TFAP2E: variants seen among roughly 807,000 people sequenced by gnomAD.
The protein encoded by TFAP2E is transcription factor AP-2 epsilon.
Under a neutral mutation model 37.9 loss-of-function variants are expected in TFAP2E, and 30 were observed. The observed-to-expected ratio is 0.79, with a 90% CI of 0.59 to 1.07. The LOEUF (loss-of-function observed/expected upper bound fraction) is 1.07. Ranked by LOEUF, TFAP2E falls within the 50% of genes least tolerant of loss-of-function variation. The pLI, the probability that TFAP2E is intolerant of heterozygous loss-of-function variation, is 0.00. For missense variants in TFAP2E, 567 were observed against 637.9 expected (o/e 0.89, Z 1.20); for synonymous variants, 318 against 295.8 (o/e 1.08, Z -0.77).
In TFAP2E at chr1:35,590,018, A is replaced by T; in HGVS notation, c.874A>T (p.Asn292Tyr). 2 of 1,614,066 alleles carry T rather than the reference A, an allele frequency of 1.2e-6. No individual in the cohort carries two copies. Among genetic ancestry groups the T allele is most frequent in the Non-Finnish European group, 1.7e-6 (2 of 1,179,962 alleles). ...NLPAGRRKAA[N>Y]VTLLTSLVEG... Reference sequence around the variant, plus strand: ...GCCAGCTGGCCGTCGCAAGGCCGCCAATGTGACGCTGCTGACTTCGCTAGT... The same window carrying T: ...GCCAGCTGGCCGTCGCAAGGCCGCCTATGTGACGCTGCTGACTTCGCTAGT... The change falls in exon 5 of 7, where the codon AAT becomes TAT. Residue 292 changes from asparagine (N) to tyrosine (Y), a missense_variant. By Grantham distance (143) the Asn-to-Tyr change is moderately radical. Around this residue, in one of 3 missense-constraint regions of TFAP2E, gnomAD observed 252 missense variants for 302.6 expected, o/e 0.83. Transcript: ENST00000373235. The surrounding 1 kb of genome is among the most constrained non-coding windows in gnomAD (Gnocchi z 6.2).
In TFAP2E at chr1:35,583,539, A is replaced by G. The variant is rs12029249; in HGVS notation, c.563-4791A>G. ...TAGGTTCAGAAGTCAGACCATATCTACCACCTGCGGACAGAGTGCCTTGTC... is the reference window on the plus strand; with the variant it reads ...TAGGTTCAGAAGTCAGACCATATCTGCCACCTGCGGACAGAGTGCCTTGTC... On this transcript the variant is annotated intron_variant, in intron 3 of 6. Coordinates refer to ENST00000373235, the MANE Select transcript of TFAP2E (RefSeq NM_178548.4). 2.3e-3 allele frequency among the ~76,000 whole-genome samples: 350 copies of G among 151,986 alleles called. 3 individuals are homozygous for G. Among genetic ancestry groups the G allele is most frequent in the Middle Eastern group, 0.01 (3 of 294 alleles).
At chr1:35,593,629 C>T (rs1649747283) in intron 6 of TFAP2E, among the ~76,000 whole-genome samples, 1 of 152,178 alleles carries the variant, frequency 6.6e-6, no homozygotes, top group African/African-American at 2.4e-5. Flanking sequence ...GCTGGAGAAA[C>T]CTAGCCAGGA....
In TFAP2E at chr1:35,593,748, G is replaced by C. The variant is rs111532993; in HGVS notation, c.1047-646G>C. On this transcript the variant is annotated intron_variant, in intron 6 of 6. Transcript: ENST00000373235. Reference sequence around the variant, plus strand: ...ATGGTGACACAAAGATGAATGATGAGTGATTCTCTTGCCTGAGCCACACAC... The same window carrying C: ...ATGGTGACACAAAGATGAATGATGACTGATTCTCTTGCCTGAGCCACACAC... Among the ~76,000 whole-genome samples the C allele has an allele frequency of 1.4e-3, 220 of 152,304 alleles. 3 individuals carry two copies. Among genetic ancestry groups the C allele is most frequent in the African/African-American group, 4.8e-3 (200 of 41,558 alleles).
chr1:35,581,040 C>T (rs1447375172), intron 3 of TFAP2E, among the ~76,000 whole-genome samples: 1 of 152,198 alleles, frequency 6.6e-6, no homozygotes, highest in East Asian at 1.9e-4. Flanking sequence ...TCACCCCAAG[C>T]CTTAGGCCAC....
chr1:35,576,673 C>G (rs892243285), intron 3 of TFAP2E, among the ~76,000 whole-genome samples: 1 of 152,170 alleles, frequency 6.6e-6, no homozygotes, highest in Non-Finnish European at 1.5e-5. Context: ...CACCTTAACC[C>G]GGAACCCCGG....
chr1:35,579,629 A>C (rs992447637), intron 3 of TFAP2E, among the ~76,000 whole-genome samples: 2 of 151,920 alleles, frequency 1.3e-5, no homozygotes, highest in Non-Finnish European at 2.9e-5. Context: ...TCCTGACCTC[A>C]AGTGACCTGC....
intron 3 of TFAP2E, among the ~76,000 whole-genome samples, chr1:35,581,376 C>A (rs2148548504): frequency 6.6e-6 from 1 of 152,194 alleles, no homozygotes; most frequent in East Asian, 1.9e-4. Flanking sequence ...CACATACATG[C>A]CTTACTATAG....
intron 4 of TFAP2E, among the ~76,000 whole-genome samples, chr1:35,589,459 G>C (rs905450587): frequency 6.8e-6 from 1 of 147,924 alleles, no homozygotes; most frequent in Non-Finnish European, 1.5e-5. Flanking sequence ...CTGCATGTCT[G>C]TCTCTATTGG....
rs760872199 is a variant in TFAP2E, at chr1:35,574,145, C to T, written c.246C>T (p.Asp82=). Residue 82 remains aspartate, a synonymous_variant, in exon 2 of 7, where the codon GAC becomes GAT. Transcript: ENST00000373235. ...AAAAFPHLAG[D]PYGGLAPLAQ... ...CAGCCTTTCCCCACCTGGCAGGGGA[C>T]CCATATGGCGGCCTGGCGCCCCTGG... 2.3e-5 allele frequency: 33 copies of T among 1,443,802 alleles called. No individual in the cohort carries two copies. The South Asian group carries it at 4.2e-4, about 18-fold the overall frequency. The allele number at this position is 1,443,802 out of a possible 1,614,324, so 89.4% of individuals were successfully genotyped here.
intron 6 of TFAP2E, among the ~76,000 whole-genome samples, chr1:35,593,302 A>G (rs923334542): frequency 1.3e-5 from 2 of 152,148 alleles, no homozygotes; most frequent in African/African-American, 4.8e-5. Context: ...GTGACAGAGC[A>G]AGACCTTGTC....
Position 35,588,215 on chromosome 1 carries a change from A to T in TFAP2E, c.563-115A>T. 1.9e-6 allele frequency: 2 copies of T among 1,070,084 alleles called. No individual in the cohort carries two copies. The highest frequency in any genetic ancestry group is 2.6e-6 in the Non-Finnish European group (2 of 760,480). The allele number at this position is 1,070,084 out of a possible 1,614,324, so 66.3% of individuals were successfully genotyped here. ...TCAGTTGAGGGAACTTGGGCGAGTC[A>T]CTTTCACCTCACTGTGGCTCAGTTT... is the stretch of plus-strand genomic sequence containing the variant. On this transcript the variant is annotated intron_variant, in intron 3 of 6. Coordinates refer to ENST00000373235, the MANE Select transcript of TFAP2E (RefSeq NM_178548.4). This position sits in a 1 kb window ranked among gnomAD's most constrained non-coding sequence, Gnocchi z 5.1.
intron 3 of TFAP2E, among the ~76,000 whole-genome samples, chr1:35,584,536 A>G (rs1158147603): frequency 6.6e-6 from 1 of 150,452 alleles, no homozygotes; most frequent in Admixed American, 6.6e-5. Flanking sequence ...TTAATTTATC[A>G]ATTTTTTGTT....
Position 35,594,687 on chromosome 1 carries a change from C to T in TFAP2E, c.*11C>T, listed in dbSNP as rs2148556065. On this transcript the variant is annotated 3_prime_UTR_variant, in exon 7 of 7. Transcript: ENST00000373235. ...AAGCATCGGAAATAACTGCTTCTCC[C>T]ACCCCATCCCTAAGGGGCTCCCAGG... The T allele has an allele frequency of 6.2e-7, 1 of 1,613,406 alleles. No individual in the cohort carries two copies. Among genetic ancestry groups the T allele is most frequent in the Non-Finnish European group, 8.5e-7 (1 of 1,180,036 alleles).
intron 3 of TFAP2E, among the ~76,000 whole-genome samples, chr1:35,586,707 G>A (rs1255216443): frequency 6.6e-6 from 1 of 152,108 alleles, no homozygotes; most frequent in Non-Finnish European, 1.5e-5. Flanking sequence ...GGATGTGCTG[G>A]GGGAGAGGGT....
intron 3 of TFAP2E, among the ~76,000 whole-genome samples, chr1:35,580,610 C>G (rs1332191641): frequency 6.6e-6 from 1 of 151,764 alleles, no homozygotes; most frequent in Admixed American, 6.6e-5. Flanking sequence ...AAAACAAAAA[C>G]AAACCAAAAA....
At chr1:35,582,349 A>T (rs1649371970) in intron 3 of TFAP2E, among the ~76,000 whole-genome samples, 1 of 152,036 alleles carries the variant, frequency 6.6e-6, no homozygotes, top group Non-Finnish European at 1.5e-5. Context: ...TTAGGTTGCT[A>T]TCTTATTGTT....
In TFAP2E at chr1:35,594,592, G is replaced by T; in HGVS notation, c.1245G>T (p.Gly415=). The change falls in exon 7 of 7, where the codon GGG becomes GGT. Residue 415 remains glycine (G), a synonymous_variant. Transcript: ENST00000373235. The part of the protein sequence containing the change: ...FQNYLLESLK[G]LDKMFLSSVG... ...ACTATTTGCTGGAGTCACTCAAGGG[G>T]CTGGACAAGATGTTTCTAAGCAGTG... is the stretch of plus-strand genomic sequence containing the variant. 1 of 1,614,218 alleles carries T rather than the reference G, an allele frequency of 6.2e-7. No individual in the cohort carries two copies. The highest frequency in any genetic ancestry group is 8.5e-7 in the Non-Finnish European group (1 of 1,180,052).
chr1:35,590,669 G>A lies in TFAP2E; in HGVS notation c.940G>A (p.Val314Ile), dbSNP rs374327024. Residue 314 changes from valine (V) to isoleucine (I), a missense_variant, in exon 6 of 7, where the codon GTC becomes ATC. Val to Ile is a conservative substitution (Grantham distance 29). This residue lies in a region of TFAP2E where 252 missense variants were observed against 302.6 expected (regional missense o/e 0.83). Transcript: ENST00000373235. The surrounding 1 kb of genome is among the most constrained non-coding windows in gnomAD (Gnocchi z 6.2). ...AVHLARDFGY[V>I]CETEFPAKAA... ...GCACCTGGCCCGAGACTTCGGTTAC[G>A]TCTGTGAGACGGAGTTCCCAGCCAA... 34 of 1,551,578 alleles carry A rather than the reference G, an allele frequency of 2.2e-5. No homozygotes were observed. Among genetic ancestry groups the A allele is most frequent in the African/African-American group, 8.1e-5 (6 of 73,630 alleles).
At position 35,577,860 on chromosome 1, in the gene TFAP2E, G is replaced by A. The variant is rs1010273092; in HGVS notation, c.562+2860G>A. The A allele has an allele frequency of 1.1e-5, 2 of 188,700 alleles. No homozygotes were observed. Among genetic ancestry groups the A allele is most frequent in the Non-Finnish European group, 2.3e-5 (2 of 88,184 alleles). The allele number at this position is 188,700 out of a possible 1,614,324, so 11.7% of individuals were successfully genotyped here. On this transcript the variant is annotated intron_variant, in intron 3 of 6. Coordinates refer to ENST00000373235, the MANE Select transcript of TFAP2E (RefSeq NM_178548.4). This position sits in a 1 kb window ranked among gnomAD's most constrained non-coding sequence, Gnocchi z 6.3. ...GCATCCGCGGTATTGGGCAGGAAAT[G>A]GCAGGGCTGAGGCCGACCCTAGGAG...
Sources: allele counts gnomAD v4.1 joint callset (sites outside exome capture counted in the v4.1 genomes callset), GRCh38; gene constraint gnomAD v4.1.1; regional missense constraint gnomAD v4.1.1; non-coding constraint Gnocchi (gnomAD v3.1); transcripts MANE v1.5; gene names NCBI Gene and HGNC (gene_info 2026-07-23, HGNC 2026-07-21).